Variants in EYS observed in about 807,000 individuals in gnomAD.
The protein encoded by EYS is EGF-like photoreceptor maintenance factor, also known as protein eyes shut homolog.
EYS carries 250 observed loss-of-function variants against 282.1 expected under a neutral mutation model. That is an observed-to-expected ratio of 0.89 (90% CI 0.80 to 0.98). The LOEUF (loss-of-function observed/expected upper bound fraction) is 0.98. EYS is among the 50% of genes least tolerant of loss of function. The probability of loss-of-function intolerance (pLI) is 0.00; values close to 1 mark genes in which losing one functional copy is unlikely to be tolerated. For missense variants in EYS, 4,016 were observed against 3,709.0 expected (o/e 1.08, Z -2.15); for synonymous variants, 1,355 against 1,282.9 (o/e 1.06, Z -1.20).
At chr6:64,695,201 C>T (rs151290068) in intron 22 of EYS, among the ~76,000 whole-genome samples, 1 of 152,104 alleles carries the variant, frequency 6.6e-6, no homozygotes, top group Non-Finnish European at 1.5e-5. Flanking sequence ...TAAACCATAG[C>T]CTGGGACACT....
chr6:64,397,897 C>T (rs1396351907), intron 28 of EYS, among the ~76,000 whole-genome samples: 1 of 151,880 alleles, frequency 6.6e-6, no homozygotes, highest in East Asian at 1.9e-4. Context: ...CCATATTCAA[C>T]AAGTTCTATT....
At chr6:64,419,973 T>A (rs534384565) in intron 28 of EYS, among the ~76,000 whole-genome samples, 177 of 152,356 alleles carry the variant, frequency 1.2e-3, no homozygotes, top group African/African-American at 3.9e-3. Flanking sequence ...ATTTCCCTTC[T>A]GCACTGCCCT....
chr6:64,553,405 T>C (rs1765147111), intron 26 of EYS, among the ~76,000 whole-genome samples: 1 of 152,144 alleles, frequency 6.6e-6, no homozygotes, highest in South Asian at 2.1e-4. Flanking sequence ...ATATGGAGGT[T>C]ACTACCTACT....
intron 9 of EYS, among the ~76,000 whole-genome samples, chr6:65,345,722 C>T (rs909932418): frequency 6.6e-6 from 1 of 151,188 alleles, no homozygotes; most frequent in Non-Finnish European, 1.5e-5. Context: ...AACGTCTTCC[C>T]TCTGCCTCCC....
At chr6:64,966,348 C>G (rs1191473740) in intron 14 of EYS, among the ~76,000 whole-genome samples, 1 of 152,012 alleles carries the variant, frequency 6.6e-6, no homozygotes, top group East Asian at 1.9e-4. Context: ...TATTGTTTAA[C>G]TTGTTAAATG....
chr6:64,362,810 G>A (rs1249119043), intron 29 of EYS, among the ~76,000 whole-genome samples: 1 of 151,786 alleles, frequency 6.6e-6, no homozygotes, highest in Non-Finnish European at 1.5e-5. Context: ...CACAAGTTAG[G>A]TTATTATTAT....
chr6:65,004,090 T>C (rs1372484171), intron 13 of EYS, among the ~76,000 whole-genome samples: 1 of 147,426 alleles, frequency 6.8e-6, no homozygotes, highest in Non-Finnish European at 1.5e-5. Context: ...TGTGGGGTGA[T>C]ATATGTATAA....
chr6:64,696,469 G>A (rs1770582426), intron 22 of EYS, among the ~76,000 whole-genome samples: 2 of 152,164 alleles, frequency 1.3e-5, no homozygotes, highest in South Asian at 4.1e-4. Context: ...AGTCTAGCAT[G>A]AGATTTAGAC....
At chr6:64,353,987 G>A (rs903211293) in intron 29 of EYS, among the ~76,000 whole-genome samples, 2 of 151,586 alleles carry the variant, frequency 1.3e-5, no homozygotes, top group African/African-American at 2.4e-5. Context: ...CCGGAGGTTA[G>A]CTGCAGTAAT....
At chr6:63,975,040 A>AT (rs1766767211) in intron 35 of EYS, among the ~76,000 whole-genome samples, 1 of 151,940 alleles carries the variant, frequency 6.6e-6, no homozygotes, top group South Asian at 2.1e-4. Context: ...CAAAGAAAGA[A>AT]TAAATGACCT....
chr6:64,933,526 C>T (rs1309601588), intron 15 of EYS, among the ~76,000 whole-genome samples: 2 of 152,102 alleles, frequency 1.3e-5, no homozygotes, highest in African/African-American at 2.4e-5. Flanking sequence ...TGCTTTTACA[C>T]TGTTGGTGGG....
At chr6:65,238,451 G>T (rs1387405530) in intron 12 of EYS, among the ~76,000 whole-genome samples, 2 of 151,628 alleles carry the variant, frequency 1.3e-5, no homozygotes, top group Admixed American at 6.6e-5. Context: ...TGAATCCTAG[G>T]TTTGATTTTT....
At chr6:64,373,642 G>A (rs1772462832) in intron 29 of EYS, among the ~76,000 whole-genome samples, 1 of 152,176 alleles carries the variant, frequency 6.6e-6, no homozygotes, top group South Asian at 2.1e-4. Flanking sequence ...GCAAATTCAG[G>A]AAGAAGTAGG....
At chr6:65,150,083 A>T (rs948075209) in intron 12 of EYS, among the ~76,000 whole-genome samples, 16 of 151,968 alleles carry the variant, frequency 1.1e-4, no homozygotes, top group African/African-American at 3.9e-4. Flanking sequence ...CAATCACTTC[A>T]CACTGGGTCC....
chr6:65,390,182 A>G (rs1222088674), intron 7 of EYS, among the ~76,000 whole-genome samples: 2 of 151,834 alleles, frequency 1.3e-5, no homozygotes, highest in African/African-American at 2.4e-5. Flanking sequence ...AAATTAGCAA[A>G]ATAATTATCA....
intron 5 of EYS, among the ~76,000 whole-genome samples, chr6:65,450,322 CA>C: frequency 6.6e-6 from 1 of 151,990 alleles, no homozygotes; most frequent in Non-Finnish European, 1.5e-5. Context: ...ATCCTAGGTA[CA>C]GGGGGAAAAG....
At chr6:64,291,176 T>C (rs969597425) in intron 30 of EYS, among the ~76,000 whole-genome samples, 10 of 151,802 alleles carry the variant, frequency 6.6e-5, no homozygotes, top group African/African-American at 2.4e-4. Flanking sequence ...TATAGATGCC[T>C]GAGGGGACTA....
chr6:63,998,392 T>C (rs191065439), intron 34 of EYS, among the ~76,000 whole-genome samples: 1 of 152,296 alleles, frequency 6.6e-6, no homozygotes, highest in East Asian at 1.9e-4. Context: ...GAAAATAAAA[T>C]GAAATTTCCA....
intron 12 of EYS, among the ~76,000 whole-genome samples, chr6:65,194,582 G>A (rs946238598): frequency 1.3e-5 from 2 of 152,018 alleles, no homozygotes; most frequent in Admixed American, 6.6e-5. Context: ...GCAAAGTTGT[G>A]TCAGGACCTC....
Sources: allele counts gnomAD v4.1 joint callset (sites outside exome capture counted in the v4.1 genomes callset), GRCh38; gene constraint gnomAD v4.1.1; transcripts MANE v1.5; gene names NCBI Gene and HGNC (gene_info 2026-07-23, HGNC 2026-07-21).